The following GRM6 variants were observed in gnomAD, a reference collection of about 807,000 sequenced individuals.
GRM6 encodes metabotropic glutamate receptor 6.
In GRM6, 73 loss-of-function variants were observed where a neutral mutation model predicts 78.4. The observed-to-expected ratio is 0.93, with a 90% CI of 0.77 to 1.13. GRM6 has a LOEUF of 1.13. GRM6 is among the 50% of genes most tolerant of loss of function. The probability of loss-of-function intolerance (pLI) is 0.00; values close to 1 mark genes in which losing one functional copy is unlikely to be tolerated. For synonymous variants in GRM6, 580 were observed against 555.0 expected (o/e 1.05, Z -0.63); for missense variants, 1,251 against 1,256.4 (o/e 1.00, Z 0.07).
In GRM6 at chr5:178,981,709, G is replaced by T. The variant is rs1760398346; in HGVS notation, c.2582C>A (p.Thr861Asn). ...VQKRKRSLKATSTVAAPPKGE... is the reference protein window; with the variant it reads ...VQKRKRSLKANSTVAAPPKGE... ...CTTGGGTGGGGCTGCCACCGTGGAG[G>T]TGGCCTTGAGGCTCCGCTTTCGCTT... The change falls in exon 11 of 11, where the codon ACC (threonine) becomes AAC (asparagine). Residue 861 changes from threonine to asparagine, a missense_variant. Transcript: ENST00000517717. The surrounding 1 kb of genome is among the most constrained non-coding windows in gnomAD (Gnocchi z 5.1). 1 of 1,614,144 alleles carries T rather than the reference G, an allele frequency of 6.2e-7. No individual in the cohort carries two copies. The highest frequency in any genetic ancestry group is 2.2e-5 in the East Asian group (1 of 44,868).
chr5:178,994,774 G>A lies in GRM6; in HGVS notation c.171C>T (p.Cys57=), dbSNP rs1270433088. Residue 57 remains cysteine (C), a synonymous_variant, in exon 2 of 11, where the codon TGC becomes TGT. Transcript: ENST00000517717. ...VHARGAAGRA[C]GQLKKEQGVH... is the part of the protein sequence containing the mutation. ...CGCCCTGCTCCTTCTTCAGCTGCCC[G>A]CACGCCCGGCCCGCCGCGCCCCGCG... The A allele has an allele frequency of 2.2e-6, 3 of 1,361,590 alleles. No homozygotes were observed. The highest frequency in any genetic ancestry group is 1.6e-5 in the South Asian group (1 of 62,646). The allele number at this position is 1,361,590 out of a possible 1,614,324, so 84.3% of individuals were successfully genotyped here. A position where few individuals can be genotyped will look rare whatever the true frequency, so the allele number is the denominator to read the frequency against.
At chr5:178,982,844 C>G (rs1760425602) in intron 10 of GRM6, 66 bp downstream of exon 10, 5 of 1,130,302 alleles carry the variant, frequency 4.4e-6, no homozygotes. Flanking sequence ...CATTTAATCT[C>G]ATGAATGAAT....
At position 178,992,923 on chromosome 5, in the gene GRM6, G is replaced by A. The variant is rs576615937; in HGVS notation, c.505-840C>T. Among the ~76,000 whole-genome samples, 2 of 152,024 alleles carry A rather than the reference G, an allele frequency of 1.3e-5. No homozygotes were observed. The highest frequency in any genetic ancestry group is 2.4e-5 in the African/African-American group (1 of 41,438). ...AACAAGAAGGAGAGAGGGAGAGAGA[G>A]AGAGAGAAACAACTGAGGAGACCGA... On this transcript the variant is annotated intron_variant, in intron 2 of 10. Coordinates refer to ENST00000517717, the MANE Select transcript of GRM6 (RefSeq NM_000843.4). This position sits in a 1 kb window ranked among gnomAD's most constrained non-coding sequence, Gnocchi z 4.9.
In GRM6 at chr5:178,992,138, G is replaced by T. The variant is rs772874992; in HGVS notation, c.505-55C>A. On this transcript the variant is annotated intron_variant, in intron 2 of 10. Coordinates refer to ENST00000517717, the MANE Select transcript of GRM6 (RefSeq NM_000843.4). This position sits in a 1 kb window ranked among gnomAD's most constrained non-coding sequence, Gnocchi z 4.9. ...GGATGGAGGTCAGTAACTCAAGAGA[G>T]GGAGGGTAAGGGGGGCCCAGGACAC... 1 of 1,237,912 alleles carries T rather than the reference G, an allele frequency of 8.1e-7. No individual in the cohort carries two copies. Among genetic ancestry groups the T allele is most frequent in the South Asian group, 1.2e-5 (1 of 81,960 alleles). 76.7% of individuals were successfully genotyped at this position (1,237,912 alleles called of 1,614,324 possible). A position where few individuals can be genotyped will look rare whatever the true frequency, so the allele number is the denominator to read the frequency against.
Position 178,994,915 on chromosome 5 carries a change from C to A in GRM6, c.30G>T (p.Pro10=). Residue 10 remains proline (P), a synonymous_variant, in exon 2 of 11, where the codon CCG becomes CCT. Transcript: ENST00000517717. MARPRRARE[P]LLVALLPLAW... is the part of the protein sequence containing the mutation. ...CCAGCGGCAGCAGCGCCACGAGCAGCGGCTCCCGGGCTCTCCGGGGCCGCG... is the reference window on the plus strand; with the variant it reads ...CCAGCGGCAGCAGCGCCACGAGCAGAGGCTCCCGGGCTCTCCGGGGCCGCG... 1 of 1,205,538 alleles carries A rather than the reference C, an allele frequency of 8.3e-7. No homozygotes were observed. The highest frequency in any genetic ancestry group is 1.0e-6 in the Non-Finnish European group (1 of 969,618). The allele number at this position is 1,205,538 out of a possible 1,614,324, so 74.7% of individuals were successfully genotyped here.
intron 5 of GRM6, chr5:178,989,912 A>C: frequency 4.5e-6 from 1 of 224,472 alleles, no homozygotes; most frequent in Non-Finnish European, 8.9e-6. Context: ...GCCTAAAGTC[A>C]CCAACTCTCA....
chr5:178,983,174 C>T lies in GRM6; in HGVS notation c.2172G>A (p.Val724=). The change falls in exon 10 of 11, where the codon GTG becomes GTA. Residue 724 remains valine, a synonymous_variant. Transcript: ENST00000517717. ...CCGTCCGCTGTTCCTCATAGTCAAT[C>T]ACGCTGTGTGGGGGCCGGGCCCCCA... The part of the protein sequence containing the change: ...AWLGARPPHS[V]IDYEEQRTVD... 1 of 1,613,822 alleles carries T rather than the reference C, an allele frequency of 6.2e-7. No homozygotes were observed. The highest frequency in any genetic ancestry group is 1.1e-5 in the South Asian group (1 of 91,084).
intron 8 of GRM6, 41 bp downstream of exon 8, chr5:178,986,797 C>A: frequency 6.2e-7 from 1 of 1,612,408 alleles, no homozygotes; most frequent in Non-Finnish European, 8.5e-7. Context: ...CCTCCGGGAT[C>A]CTGGGCCCAT....
At position 178,979,421 on chromosome 5, in the gene GRM6, G is replaced by A. The variant is rs932516573; in HGVS notation, c.*2236C>T. ...CTTCAGTAACAGAGGATGTCCCCCT[G>A]TACCCAGAATGGTGCATGCTGTGGA... On this transcript the variant is annotated 3_prime_UTR_variant, in exon 11 of 11. Transcript: ENST00000517717. The A allele has an allele frequency of 6.6e-6, 1 of 152,180 alleles. No individual in the cohort carries two copies. The highest frequency in any genetic ancestry group is 1.9e-4 in the East Asian group (1 of 5,188). 9.4% of individuals were successfully genotyped at this position (152,180 alleles called of 1,614,324 possible). A position where few individuals can be genotyped will look rare whatever the true frequency, so the allele number is the denominator to read the frequency against.
intron 9 of GRM6, chr5:178,985,491 C>T (rs1486455591): frequency 2.3e-5 from 8 of 342,534 alleles, no homozygotes; most frequent in African/African-American, 1.3e-4. Context: ...ATCACGAGGT[C>T]AGGAGATCGA....
At position 178,981,872 on chromosome 5, in the gene GRM6, G is replaced by C. The variant is rs758906054; in HGVS notation, c.2437-18C>G. Reference sequence around the variant, plus strand: ...ATGTAGATCTAGGCCATGGAAGAGGGGACCAGATGGGACTCAGCCCTGCTC... The same window carrying C: ...ATGTAGATCTAGGCCATGGAAGAGGCGACCAGATGGGACTCAGCCCTGCTC... On this transcript the variant is annotated intron_variant, in intron 10 of 10. Transcript: ENST00000517717. The surrounding 1 kb of genome is among the most constrained non-coding windows in gnomAD (Gnocchi z 5.1). 8.2e-6 allele frequency: 12 copies of C among 1,470,394 alleles called. 1 individual carries two copies. The South Asian group carries it at 1.4e-4, about 17-fold the overall frequency. 91.1% of individuals were successfully genotyped at this position (1,470,394 alleles called of 1,614,324 possible). A position where few individuals can be genotyped will look rare whatever the true frequency, so the allele number is the denominator to read the frequency against.
At position 178,982,890 on chromosome 5, in the gene GRM6, C is replaced by T; in HGVS notation, c.2436+20G>A. 1 of 1,583,728 alleles carries T rather than the reference C, an allele frequency of 6.3e-7. No individual in the cohort carries two copies. The highest frequency in any genetic ancestry group is 8.7e-7 in the Non-Finnish European group (1 of 1,152,256). On this transcript the variant is annotated intron_variant, in intron 10 of 10. Transcript: ENST00000517717. The stretch of plus-strand genomic sequence containing the variant: ...GACAGGCAGGAAACAGGCAGCGAGA[C>T]CTCCTGGGGACCTCATTACCTTTTC...
chr5:178,989,808 T>TAAG (rs1021217594), intron 5 of GRM6: 19 of 322,034 alleles, frequency 5.9e-5, no homozygotes, highest in African/African-American at 4.1e-4. Context: ...TATGAGACCA[T>TAAG]AAGCAGGAAG....
In GRM6 at chr5:178,991,866, C is replaced by G. The variant is rs1188091486; in HGVS notation, c.721+1G>C. 6.2e-7 allele frequency: 1 copy of G among 1,613,066 alleles called. No individual in the cohort carries two copies. Among genetic ancestry groups the G allele is most frequent in the South Asian group, 1.1e-5 (1 of 91,036 alleles). ...TTGGTGCCTCGGAGCCCCCAGCTCA[C>G]CAGCCTCTCGGGAGATCTGAACGAA... On this transcript the variant is annotated splice_donor_variant, in intron 3 of 10. Transcript: ENST00000517717. LOFTEE classifies it high-confidence loss of function. The surrounding 1 kb of genome is among the most constrained non-coding windows in gnomAD (Gnocchi z 5.0).
Position 178,991,642 on chromosome 5 carries a change from G to A in GRM6, c.722-83C>T. On this transcript the variant is annotated intron_variant, in intron 3 of 10. Coordinates refer to ENST00000517717, the MANE Select transcript of GRM6 (RefSeq NM_000843.4). This position sits in a 1 kb window ranked among gnomAD's most constrained non-coding sequence, Gnocchi z 5.0. The stretch of plus-strand genomic sequence containing the variant: ...GCCACCGCTGCAGAGGACTGTGTAG[G>A]CTGGCTGAAGGGTCTGCAGGGGTGA... 6.7e-7 allele frequency: 1 copy of A among 1,500,178 alleles called. No individual in the cohort carries two copies. The highest frequency in any genetic ancestry group is 9.3e-7 in the Non-Finnish European group (1 of 1,078,816). The allele number at this position is 1,500,178 out of a possible 1,614,324, so 92.9% of individuals were successfully genotyped here.
chr5:178,985,056 G>A lies in GRM6; in HGVS notation c.2124+1074C>T, dbSNP rs144376578. 4.4e-3 allele frequency among the ~76,000 whole-genome samples: 662 copies of A among 152,104 alleles called. 2 individuals carry two copies. Among genetic ancestry groups the A allele is most frequent in the African/African-American group, 0.015 (616 of 41,494 alleles). Reference sequence around the variant, plus strand: ...CCCCAAAGGAGCTCCATTATTTAACGGCCAGCACGAAACGCTGGCCACTGG... The same window carrying A: ...CCCCAAAGGAGCTCCATTATTTAACAGCCAGCACGAAACGCTGGCCACTGG... On this transcript the variant is annotated intron_variant, in intron 9 of 10. Transcript: ENST00000517717.
intron 7 of GRM6, chr5:178,987,233 A>G: frequency 1.5e-6 from 1 of 648,258 alleles, no homozygotes; most frequent in Non-Finnish European, 2.9e-6. Flanking sequence ...GGGTGGGAAA[A>G]GGCTGCAGCC....
intron 6 of GRM6, 21 bp downstream of exon 6, chr5:178,989,235 CCCACCCTCA>C (rs3838954): frequency 2.8e-4 from 400 of 1,435,512 alleles, no homozygotes; most frequent in Non-Finnish European, 3.6e-4. Context: ...CCCCACCCTC[CCCACCCTCA>C]CCACCCTGGG....
At chr5:178,990,288 C>A (rs57206718) in intron 5 of GRM6, among the ~76,000 whole-genome samples, 2,693 of 152,312 alleles carry the variant, frequency 0.018, 91 homozygotes, top group African/African-American at 0.061. Flanking sequence ...CTCCCTCCCA[C>A]CCTCACCCTC....
Sources: allele counts gnomAD v4.1 joint callset (sites outside exome capture counted in the v4.1 genomes callset), GRCh38; gene constraint gnomAD v4.1.1; non-coding constraint Gnocchi (gnomAD v3.1); transcripts MANE v1.5; gene names NCBI Gene and HGNC (gene_info 2026-07-23, HGNC 2026-07-21).